SMIM36: variants seen among roughly 807,000 people sequenced by gnomAD.
SMIM36 encodes the protein small integral membrane protein 36.
chr17:55,458,820 C>T (rs560869563), intron 4 of SMIM36, among the ~76,000 whole-genome samples: 10 of 152,198 alleles, frequency 6.6e-5, no homozygotes, highest in Admixed American at 4.6e-4. Context: ...GTGGATCCTC[C>T]GTCCGCTGAG....
chr17:55,517,564 A>G, the SMIM36 span, among the ~76,000 whole-genome samples: 3 of 152,116 alleles, frequency 2.0e-5, no homozygotes, highest in African/African-American at 4.8e-5. Context: ...CTCTGTTACA[A>G]CAACAACAAC....
intron 3 of SMIM36, among the ~76,000 whole-genome samples, chr17:55,475,302 A>G (rs1598450872): frequency 6.6e-6 from 1 of 152,070 alleles, no homozygotes; most frequent in South Asian, 2.1e-4. Flanking sequence ...CCTCTTGGAG[A>G]GGATAGATGA....
intron 1 of SMIM36, among the ~76,000 whole-genome samples, chr17:55,480,640 A>G (rs1909504195): frequency 6.6e-6 from 1 of 152,228 alleles, no homozygotes; most frequent in Non-Finnish European, 1.5e-5. Flanking sequence ...ATGTCTAATA[A>G]TAATGATCAT....
Position 55,460,453 on chromosome 17 carries a change from A to C in SMIM36, c.*531+6692T>G, listed in dbSNP as rs564074160. Among the ~76,000 whole-genome samples, 155 of 103,794 alleles carry C rather than the reference A, an allele frequency of 1.5e-3. 2 individuals are homozygous for C. The highest frequency in any genetic ancestry group is 4.4e-3 in the African/African-American group (150 of 34,022). The allele number at this position is 103,794 out of a possible 152,430, so 68.1% of individuals were successfully genotyped here. ...GGAAACAAAAAACAAAAAACAAAAC[A>C]AAAAAAAAGAACAACAACAACAAAA... On this transcript the variant is annotated intron_variant, in intron 4 of 4. Coordinates refer to ENST00000636752, the Ensembl canonical transcript of SMIM36.
At chr17:55,496,276 G>A (rs1430318669) in intron 1 of SMIM36, among the ~76,000 whole-genome samples, 2 of 151,992 alleles carry the variant, frequency 1.3e-5, no homozygotes, top group African/African-American at 4.8e-5. Flanking sequence ...TGTATTGTAC[G>A]CCTGTCAACT....
the SMIM36 span, among the ~76,000 whole-genome samples, chr17:55,520,201 T>C: frequency 6.6e-6 from 1 of 151,948 alleles, no homozygotes; most frequent in African/African-American, 2.4e-5. Flanking sequence ...TAAAATCTCC[T>C]TTTGTTTCCC....
intron 3 of SMIM36, among the ~76,000 whole-genome samples, chr17:55,474,759 A>G (rs2143265612): frequency 6.6e-6 from 1 of 152,194 alleles, no homozygotes; most frequent in African/African-American, 2.4e-5. Context: ...TGGTGTAAGC[A>G]TGGTGTTTTG....
chr17:55,495,199 T>C (rs1909787158), intron 1 of SMIM36, among the ~76,000 whole-genome samples: 2 of 152,202 alleles, frequency 1.3e-5, no homozygotes, highest in South Asian at 4.1e-4. Context: ...ATCTGTGCTA[T>C]ACAAGCAACA....
the SMIM36 span, among the ~76,000 whole-genome samples, chr17:55,522,987 A>AT: frequency 6.6e-6 from 1 of 152,324 alleles, no homozygotes; most frequent in African/African-American, 2.4e-5. Context: ...AATAATGGTG[A>AT]TAAAAAAAGA....
At chr17:55,497,963 C>T (rs1287801967) in intron 1 of SMIM36, among the ~76,000 whole-genome samples, 1 of 152,110 alleles carries the variant, frequency 6.6e-6, no homozygotes, top group East Asian at 1.9e-4. Flanking sequence ...TACTGCAAAC[C>T]ATGTGGCTTA....
chr17:55,511,508 C>A, upstream of SMIM36: 1 of 373,028 alleles, frequency 2.7e-6, no homozygotes, highest in Non-Finnish European at 4.8e-6. Context: ...GGTTTAATAA[C>A]TTAAGCTTGC....
intron 3 of SMIM36, among the ~76,000 whole-genome samples, 158 bp downstream of exon 3, chr17:55,478,604 A>G (rs370405728): frequency 6.6e-6 from 1 of 152,188 alleles, no homozygotes; most frequent in Non-Finnish European, 1.5e-5. Context: ...GTCAAACTCA[A>G]GAGGATAGAA....
At chr17:55,473,330 G>A (rs1453403310) in intron 3 of SMIM36, among the ~76,000 whole-genome samples, 1 of 152,168 alleles carries the variant, frequency 6.6e-6, no homozygotes, top group Non-Finnish European at 1.5e-5. Flanking sequence ...CACAAGGTTG[G>A]CAGATTGACT....
chr17:55,456,357 C>A (rs1376124746), intron 4 of SMIM36, among the ~76,000 whole-genome samples: 1 of 152,126 alleles, frequency 6.6e-6, no homozygotes, highest in Non-Finnish European at 1.5e-5. Flanking sequence ...CCCTGCTGTG[C>A]CTCAGTTTTC....
intron 1 of SMIM36, among the ~76,000 whole-genome samples, chr17:55,483,517 C>T (rs556610044): frequency 6.6e-6 from 1 of 152,148 alleles, no homozygotes; most frequent in African/African-American, 2.4e-5. Flanking sequence ...TCTAGTCAGT[C>T]GAAAAGCTTA....
intron 4 of SMIM36, among the ~76,000 whole-genome samples, chr17:55,455,443 C>T (rs1395730758): frequency 6.7e-6 from 1 of 150,252 alleles, no homozygotes; most frequent in African/African-American, 2.4e-5. Context: ...CTAGATGACA[C>T]TCATATTCCA....
chr17:55,527,244 G>A, the SMIM36 span: 3 of 152,186 alleles, frequency 2.0e-5, no homozygotes, highest in Non-Finnish European at 4.4e-5. Context: ...TGGCTGCTAA[G>A]GAACATTCAG....
At chr17:55,468,850 C>G (rs1046134589) in intron 3 of SMIM36, among the ~76,000 whole-genome samples, 2 of 152,114 alleles carry the variant, frequency 1.3e-5, no homozygotes, top group African/African-American at 4.8e-5. Context: ...CCGCTTGGCC[C>G]CAATACAAAC....
At chr17:55,467,849 A>G (rs549736508) in intron 3 of SMIM36, among the ~76,000 whole-genome samples, 1 of 152,276 alleles carries the variant, frequency 6.6e-6, no homozygotes. Context: ...AGAAGTGAAA[A>G]TAGGCAGTTC....
Sources: gnomAD v4.1 joint callset for allele counts (sites outside exome capture counted in the v4.1 genomes callset) on GRCh38, gnomAD v4.1.1 for gene constraint, MANE v1.5 for transcripts, NCBI Gene and HGNC (gene_info 2026-07-23, HGNC 2026-07-21) for gene names.